The following SLC2A5 variants were observed in gnomAD, a reference collection of about 807,000 sequenced individuals.
The protein encoded by SLC2A5 is solute carrier family 2, facilitated glucose transporter member 5.
Under a neutral mutation model 50.3 loss-of-function variants are expected in SLC2A5, and 56 were observed. The ratio of observed to expected loss-of-function variants is 1.11; its 90% CI spans 0.90 to 1.39. The LOEUF (loss-of-function observed/expected upper bound fraction) is 1.39. Ranked by LOEUF, SLC2A5 falls within the 40% of genes most tolerant of loss-of-function variation. The pLI is 0.00. For missense variants in SLC2A5, 566 were observed against 650.1 expected (o/e 0.87, Z 1.41); for synonymous variants, 269 against 281.9 (o/e 0.95, Z 0.46).
At chr1:9,053,097 T>TTTATATATAATATATA (rs1641626979) in intron 3 of SLC2A5, among the ~76,000 whole-genome samples, 2 of 112,876 alleles carry the variant, frequency 1.8e-5, no homozygotes, top group African/African-American at 7.1e-5. Flanking sequence ...ATAATATATA[T>TTTATATATAATATATA]TTATATATAA....
chr1:9,038,377 G>A, intron 10 of SLC2A5, 54 bp downstream of exon 10: 4 of 1,332,022 alleles, frequency 3.0e-6, no homozygotes, highest in Non-Finnish European at 4.3e-6. Context: ...CCAGCCCGGA[G>A]CTTCTGGGAC....
Position 9,038,449 on chromosome 1 carries a change from C to G in SLC2A5, c.1156G>C (p.Gly386Arg), listed in dbSNP as rs1386056786. The change falls in exon 10 of 12, where the codon GGA becomes CGA. Residue 386 changes from glycine (G) to arginine (R), a missense_variant. Physicochemically the swap from Gly to Arg is moderately radical, Grantham distance 125. Coordinates refer to ENST00000377424, the MANE Select transcript of SLC2A5 (RefSeq NM_003039.3). ...SIVCVISYVI[G>R]HALGPSPIPA... is the part of the protein sequence containing the mutation. ...TACGTACTGGGCCCGAGGGCATGTCCTATGACGTAGGAGATGACACAGACG... is the reference window on the plus strand; with the variant it reads ...TACGTACTGGGCCCGAGGGCATGTCGTATGACGTAGGAGATGACACAGACG... The G allele has an allele frequency of 3.7e-6, 6 of 1,613,496 alleles. No individual in the cohort carries two copies. The highest frequency in any genetic ancestry group is 5.1e-6 in the Non-Finnish European group (6 of 1,179,666).
chr1:9,037,559 C>T lies in SLC2A5; in HGVS notation c.*27G>A, dbSNP rs1159434448. 3 of 1,600,976 alleles carry T rather than the reference C, an allele frequency of 1.9e-6. No individual in the cohort carries two copies. Among genetic ancestry groups the T allele is most frequent in the East Asian group, 2.2e-5 (1 of 44,826 alleles). Reference sequence around the variant, plus strand: ...GCCAAAGTGGGAAGCCCCTGGCAGACCAGCTCCACTGGCTTCCTCTCCAGA... The same window carrying T: ...GCCAAAGTGGGAAGCCCCTGGCAGATCAGCTCCACTGGCTTCCTCTCCAGA... On this transcript the variant is annotated 3_prime_UTR_variant, in exon 12 of 12. Coordinates refer to ENST00000377424, the MANE Select transcript of SLC2A5 (RefSeq NM_003039.3).
At chr1:9,088,332 T>A (rs886801648) in intron 1 of SLC2A5, 1 of 152,362 alleles carries the variant, frequency 6.6e-6, no homozygotes, top group Non-Finnish European at 1.5e-5. Context: ...CCCAAGCCTT[T>A]ACCACCAAAC....
chr1:9,052,575 T>G (rs1333806066), intron 3 of SLC2A5, among the ~76,000 whole-genome samples: 1 of 152,184 alleles, frequency 6.6e-6, no homozygotes, highest in Non-Finnish European at 1.5e-5. Context: ...TATATGTCAA[T>G]GCAGGTCTCA....
chr1:9,043,849 G>A (rs1402172203), intron 4 of SLC2A5, among the ~76,000 whole-genome samples: 1 of 151,782 alleles, frequency 6.6e-6, no homozygotes, highest in South Asian at 2.1e-4. Context: ...AGCCTCCTGA[G>A]TAGCTGGGAT....
Position 9,038,847 on chromosome 1 carries a change from G to A in SLC2A5, c.1079C>T (p.Thr360Ile). 2 of 1,611,916 alleles carry A rather than the reference G, an allele frequency of 1.2e-6. No homozygotes were observed. Among genetic ancestry groups the A allele is most frequent in the Non-Finnish European group, 1.7e-6 (2 of 1,179,604 alleles). The stretch of plus-strand genomic sequence containing the variant: ...CCTCACCTGCAGTGCCAGAGCTGCA[G>A]TGAGCACGCAGCAGGCTATGAGGCA... ...SICLIACCVL[T>I]AALALQDTVS... Residue 360 changes from threonine to isoleucine, a missense_variant, in exon 9 of 12, where the codon ACT (threonine) becomes ATT (isoleucine). By Grantham distance (89) the Thr-to-Ile change is moderately conservative. Transcript: ENST00000377424.
chr1:9,061,889 A>T (rs1641954309), intron 1 of SLC2A5, among the ~76,000 whole-genome samples: 1 of 152,218 alleles, frequency 6.6e-6, no homozygotes, highest in Non-Finnish European at 1.5e-5. Flanking sequence ...ATGGGATCCC[A>T]GCAAAAATGA....
rs936150675 is a variant in SLC2A5 at position 9,075,343 on chromosome 1, G to A, written c.-58-5749C>T. On this transcript the variant is annotated intron_variant, in intron 2 of 5. Coordinates refer to the SLC2A5 transcript ENST00000464985. ...AGAAGGCAGGTTAGCTCCTGCAGCC[G>A]TGGCGTAATCCAACATCCCAAGAGC... Among the ~76,000 whole-genome samples, 15 of 152,090 alleles carry A rather than the reference G, an allele frequency of 9.9e-5. 2 individuals are homozygous for A. Among genetic ancestry groups the A allele is most frequent in the Non-Finnish European group, 2.1e-4 (14 of 68,022 alleles).
At chr1:9,038,706 G>T in intron 9 of SLC2A5, 122 bp downstream of exon 9, 1 of 1,413,072 alleles carries the variant, frequency 7.1e-7, no homozygotes, top group East Asian at 2.5e-5. Context: ...CTGGCCAGTT[G>T]TATTTGCTAA....
In SLC2A5 at chr1:9,037,386, G is replaced by T; in HGVS notation, c.*200C>A. 1 of 569,404 alleles carries T rather than the reference G, an allele frequency of 1.8e-6. No homozygotes were observed. The highest frequency in any genetic ancestry group is 3.1e-6 in the Non-Finnish European group (1 of 319,242). 35.3% of individuals were successfully genotyped at this position (569,404 alleles called of 1,614,324 possible). On this transcript the variant is annotated 3_prime_UTR_variant, in exon 12 of 12. Coordinates refer to ENST00000377424, the MANE Select transcript of SLC2A5 (RefSeq NM_003039.3). ...CTCGGGTCTGGTGACAGGCCAACATGGAGAGAGACAGCCCAGCTTCAAGAA... is the reference window on the plus strand; with the variant it reads ...CTCGGGTCTGGTGACAGGCCAACATTGAGAGAGACAGCCCAGCTTCAAGAA...
chr1:9,065,962 T>G (rs1488396337), intron 1 of SLC2A5, among the ~76,000 whole-genome samples: 1 of 152,142 alleles, frequency 6.6e-6, no homozygotes, highest in African/African-American at 2.4e-5. Context: ...AATTTTTTTT[T>G]GAGGATAATG....
chr1:9,089,453 G>A (rs766191000), upstream of SLC2A5, among the ~76,000 whole-genome samples: 29 of 152,132 alleles, frequency 1.9e-4, no homozygotes, highest in Non-Finnish European at 3.2e-4. Flanking sequence ...AAAATTAGAG[G>A]AGGGTCCCCA....
Position 9,040,188 on chromosome 1 carries a change from G to T in SLC2A5, c.573C>A (p.Gly191=). The stretch of plus-strand genomic sequence containing the variant: ...CGGTCAGCCCCAGCAGGATCGGCCA[G>T]CCTGGGAGGAAGGCAGCGAGCTGGC... ...GLRNLLANVD[G]WPILLGLTGV... Residue 191 remains glycine, a splice_region_variant and synonymous_variant, in exon 6 of 12, where the codon GGC becomes GGA. Coordinates refer to ENST00000377424, the MANE Select transcript of SLC2A5 (RefSeq NM_003039.3). The surrounding 1 kb of genome is among the most constrained non-coding windows in gnomAD (Gnocchi z 4.3). 1 of 1,548,886 alleles carries T rather than the reference G, an allele frequency of 6.5e-7. No homozygotes were observed. The highest frequency in any genetic ancestry group is 8.7e-7 in the Non-Finnish European group (1 of 1,147,592).
rs1167752946 is a variant in SLC2A5 at position 9,060,654 on chromosome 1, C to T, written c.34-2404G>A. Among the ~76,000 whole-genome samples, 39 of 117,498 alleles carry T rather than the reference C, an allele frequency of 3.3e-4. 2 individuals carry two copies. In the South Asian group the frequency reaches 9.1e-3, roughly 27 times the overall value. 77.1% of individuals were successfully genotyped at this position (117,498 alleles called of 152,430 possible). ...ACACACATACAGCCCACACACCCCC[C>T]ACACACACACACCCCACACACACAC... On this transcript the variant is annotated intron_variant, in intron 1 of 11. Transcript: ENST00000377424.
intron 1 of SLC2A5, among the ~76,000 whole-genome samples, chr1:9,067,776 G>A (rs564156030): frequency 1.3e-5 from 2 of 152,286 alleles, no homozygotes; most frequent in East Asian, 3.9e-4. Flanking sequence ...GGTAGAGCCA[G>A]GGACGCGGCT....
intron 1 of SLC2A5, among the ~76,000 whole-genome samples, chr1:9,060,319 A>C (rs1285941752): frequency 1.9e-5 from 2 of 106,730 alleles, no homozygotes; most frequent in African/African-American, 3.7e-5. Context: ...ACATGTACAC[A>C]CACTACATAC....
upstream of SLC2A5, among the ~76,000 whole-genome samples, chr1:9,070,987 G>A (rs1642201002): frequency 6.6e-6 from 1 of 152,132 alleles, no homozygotes; most frequent in African/African-American, 2.4e-5. Context: ...AAGACCAGAG[G>A]TTTCCAATTA....
At position 9,069,614 on chromosome 1, in the gene SLC2A5, A is replaced by G. The variant is rs1481672035; in HGVS notation, c.-78T>C. 1.8e-5 allele frequency: 28 copies of G among 1,541,826 alleles called. No homozygotes were observed. The highest frequency in any genetic ancestry group is 2.4e-5 in the Non-Finnish European group (27 of 1,117,598). Reference sequence around the variant, plus strand: ...CGTGCACTGAATGGAGAGAGAAGACATTCTGGGTGCACTTTGGCCATGCCA... The same window carrying G: ...CGTGCACTGAATGGAGAGAGAAGACGTTCTGGGTGCACTTTGGCCATGCCA... On this transcript the variant is annotated 5_prime_UTR_variant, in exon 1 of 12. An upstream start codon of the reference 5' UTR is lost. Coordinates refer to ENST00000377424, the MANE Select transcript of SLC2A5 (RefSeq NM_003039.3).
Sources: gnomAD v4.1 joint callset for allele counts (sites outside exome capture counted in the v4.1 genomes callset) on GRCh38, gnomAD v4.1.1 for gene constraint, Gnocchi (gnomAD v3.1) non-coding constraint, MANE v1.5 for transcripts, NCBI Gene and HGNC (gene_info 2026-07-23, HGNC 2026-07-21) for gene names.